The following DIP2C variants were observed in gnomAD, a reference collection of about 807,000 sequenced individuals.
DIP2C encodes DIP2 acetate--CoA ligase C (putative).
Under a neutral mutation model 192.4 loss-of-function variants are expected in DIP2C, and 33 were observed. The observed-to-expected ratio is 0.17, with a 90% confidence interval of 0.13 to 0.23. DIP2C has a LOEUF of 0.23. DIP2C is among the 10% of genes least tolerant of loss of function. DIP2C has a pLI of 1.00. For synonymous variants in DIP2C, 979 were observed against 864.1 expected (o/e 1.13, Z -2.33); for missense variants, 1,537 against 2,110.1 (o/e 0.73, Z 5.32).
chr10:384,871 A>T (rs1962741866), intron 14 of DIP2C, among the ~76,000 whole-genome samples: 1 of 151,366 alleles, frequency 6.6e-6, no homozygotes, highest in Admixed American at 6.6e-5. Context: ...TGGACACCAG[A>T]CTGCACAGGC....
At position 681,060 on chromosome 10, in the gene DIP2C, T is replaced by C. The variant is rs1831112438; in HGVS notation, c.85+8434A>G. On this transcript the variant is annotated intron_variant, in intron 1 of 36. Coordinates refer to ENST00000280886, the MANE Select transcript of DIP2C (RefSeq NM_014974.3). ...AGCTACCGCCTGTGGCCACGGAAAT[T>C]CCAGGGAATGCAGGCCCCAGTTGCA... is the stretch of plus-strand genomic sequence containing the variant. 2.6e-5 allele frequency among the ~76,000 whole-genome samples: 4 copies of C among 151,982 alleles called. No homozygotes were observed. In the South Asian group the frequency reaches 8.3e-4, roughly 31 times the overall value.
rs370576172 is a variant in DIP2C at position 562,197 on chromosome 10, G to C, written c.86-75667C>G. 1.3e-5 allele frequency among the ~76,000 whole-genome samples: 2 copies of C among 152,196 alleles called. 1 individual carries two copies. Among genetic ancestry groups the C allele is most frequent in the South Asian group, 4.1e-4 (2 of 4,834 alleles). On this transcript the variant is annotated intron_variant, in intron 1 of 36. Transcript: ENST00000280886. ...TTACAGGCAGAGGGTTGGGCAGGCCGCATCTGATGTTTAACACACACAGAG... is the reference window on the plus strand; with the variant it reads ...TTACAGGCAGAGGGTTGGGCAGGCCCCATCTGATGTTTAACACACACAGAG...
At chr10:637,616 C>T (rs570665301) in intron 1 of DIP2C, among the ~76,000 whole-genome samples, 1 of 152,344 alleles carries the variant, frequency 6.6e-6, no homozygotes, top group Admixed American at 6.5e-5. Flanking sequence ...AGCTCCCCCT[C>T]CTAGCACCAT....
rs143738224 is a variant in DIP2C at position 562,500 on chromosome 10, C to T, written c.86-75970G>A. ...TACCTGATACATTACAGAATCTCTA[C>T]GAAATAGACGAAATTCCAATTCTGT... On this transcript the variant is annotated intron_variant, in intron 1 of 36. Transcript: ENST00000280886. 5.9e-3 allele frequency among the ~76,000 whole-genome samples: 906 copies of T among 152,336 alleles called. 5 individuals are homozygous for T. The highest frequency in any genetic ancestry group is 8.3e-3 in the South Asian group (40 of 4,820).
chr10:564,815 C>T (rs1849377359), intron 1 of DIP2C, among the ~76,000 whole-genome samples: 1 of 152,170 alleles, frequency 6.6e-6, no homozygotes, highest in African/African-American at 2.4e-5. Context: ...CAGAAAAAAA[C>T]ACATAACACG....
intron 1 of DIP2C, among the ~76,000 whole-genome samples, chr10:545,424 G>A (rs953627068): frequency 5.3e-4 from 81 of 152,060 alleles, no homozygotes; most frequent in African/African-American, 1.7e-3. Context: ...CCAAAATGCT[G>A]GGATTACAGG....
intron 1 of DIP2C, among the ~76,000 whole-genome samples, chr10:491,521 G>A (rs2133587534): frequency 6.6e-6 from 1 of 152,298 alleles, no homozygotes; most frequent in South Asian, 2.1e-4. Context: ...GCTCCTGTGT[G>A]TACCCCTCGC....
intron 6 of DIP2C, among the ~76,000 whole-genome samples, chr10:417,153 C>T (rs1382482250): frequency 6.6e-6 from 1 of 152,070 alleles, no homozygotes; most frequent in South Asian, 2.1e-4. Context: ...ATGAATCATA[C>T]CATTCCACCA....
chr10:409,861 G>T (rs1226332909), intron 8 of DIP2C, among the ~76,000 whole-genome samples: 1 of 152,206 alleles, frequency 6.6e-6, no homozygotes, highest in East Asian at 1.9e-4. Flanking sequence ...TGACTTTAAA[G>T]CCTAAAATGA....
chr10:576,377 G>A (rs1435473971), intron 1 of DIP2C, among the ~76,000 whole-genome samples: 1 of 152,168 alleles, frequency 6.6e-6, no homozygotes, highest in East Asian at 1.9e-4. Flanking sequence ...AGCGTTCAGG[G>A]TACAGGAGTC....
chr10:624,592 C>G (rs1376541440), intron 1 of DIP2C, among the ~76,000 whole-genome samples: 1 of 152,206 alleles, frequency 6.6e-6, no homozygotes, highest in Non-Finnish European at 1.5e-5. Context: ...CCGGGCAGCC[C>G]CTCTGGATGT....
At position 652,406 on chromosome 10, in the gene DIP2C, C is replaced by G. The variant is rs1433712592; in HGVS notation, c.85+37088G>C. 6.2e-6 allele frequency: 1 copy of G among 162,258 alleles called. No individual in the cohort carries two copies. The highest frequency in any genetic ancestry group is 1.9e-4 in the East Asian group (1 of 5,244). 10.1% of individuals were successfully genotyped at this position (162,258 alleles called of 1,614,324 possible). On this transcript the variant is annotated intron_variant, in intron 1 of 36. Coordinates refer to ENST00000280886, the MANE Select transcript of DIP2C (RefSeq NM_014974.3). This position sits in a 1 kb window ranked among gnomAD's most constrained non-coding sequence, Gnocchi z 4.5. ...GGTGGCGGGGGGGCGCACTGTGCAC[C>G]CTCCCAGCTCTCCTCCACCCCTTCC... is the stretch of plus-strand genomic sequence containing the variant.
chr10:399,240 G>T (rs560372859), intron 9 of DIP2C, 21 bp from the exon 10 acceptor site: 1 of 1,608,098 alleles, frequency 6.2e-7, no homozygotes, highest in South Asian at 1.1e-5. Context: ...GGCCAGAGCG[G>T]GTCAGCATTA....
intron 4 of DIP2C, among the ~76,000 whole-genome samples, chr10:438,297 C>G (rs1008738791): frequency 2.6e-5 from 4 of 152,180 alleles, no homozygotes; most frequent in African/African-American, 9.7e-5. Context: ...CTCATCGTTT[C>G]TCTTATAAAA....
chr10:468,188 T>C (rs1564748744), intron 3 of DIP2C, among the ~76,000 whole-genome samples: 2 of 152,164 alleles, frequency 1.3e-5, no homozygotes, highest in Non-Finnish European at 2.9e-5. Context: ...TCACACCTTA[T>C]TGTTAAAACC....
At chr10:465,912 T>C (rs1469511964) in intron 3 of DIP2C, among the ~76,000 whole-genome samples, 1 of 152,024 alleles carries the variant, frequency 6.6e-6, no homozygotes, top group African/African-American at 2.4e-5. Context: ...TGGAAGAACA[T>C]TCCATGCTCT....
chr10:485,088 C>T (rs1462823013), intron 2 of DIP2C: 13 of 1,153,870 alleles, frequency 1.1e-5, no homozygotes, highest in Admixed American at 5.6e-5. Context: ...CCGCCCTCTG[C>T]GCCCGGCTAA....
At chr10:281,151 C>T in intron 36 of DIP2C, 49 bp downstream of exon 36, 1 of 1,603,038 alleles carries the variant, frequency 6.2e-7, no homozygotes, top group Non-Finnish European at 8.5e-7. Flanking sequence ...CTCAATGCTT[C>T]ACAAACTCTG....
chr10:294,304 A>G (rs1215861540), intron 32 of DIP2C, among the ~76,000 whole-genome samples: 2 of 152,090 alleles, frequency 1.3e-5, no homozygotes, highest in Non-Finnish European at 2.9e-5. Flanking sequence ...TAAGACCCTA[A>G]TCACATGCAT....
Sources: allele counts gnomAD v4.1 joint callset (sites outside exome capture counted in the v4.1 genomes callset), GRCh38; gene constraint gnomAD v4.1.1; non-coding constraint Gnocchi (gnomAD v3.1); transcripts MANE v1.5; gene names NCBI Gene and HGNC (gene_info 2026-07-23, HGNC 2026-07-21).